ERP44: variants seen among roughly 807,000 people sequenced by gnomAD.
ERP44 encodes the protein endoplasmic reticulum protein 44.
In ERP44, 25 loss-of-function variants were observed where a neutral mutation model predicts 53.4. The ratio of observed to expected loss-of-function variants is 0.47; its 90% confidence interval spans 0.34 to 0.65. The LOEUF is 0.65. Among genes scored for constraint, ERP44 ranks in the 30% least tolerant of loss-of-function variants. The pLI, the probability that ERP44 is intolerant of heterozygous loss-of-function variation, is 0.01. For missense variants in ERP44, 338 were observed against 493.2 expected, an observed-to-expected ratio of 0.69 and a Z score of 2.98; for synonymous variants, 145 against 161.2, an observed-to-expected ratio of 0.90 and a Z score of 0.76.
chr9:100,007,196 A>T (rs995996877), intron 9 of ERP44, among the ~76,000 whole-genome samples: 1 of 152,230 alleles, frequency 6.6e-6, no homozygotes, highest in Non-Finnish European at 1.5e-5. Flanking sequence ...CAACTACTCA[A>T]CTTTCTTTCA....
chr9:99,985,658 T>TA (rs1830188992), intron 10 of ERP44, among the ~76,000 whole-genome samples: 2 of 152,178 alleles, frequency 1.3e-5, no homozygotes, highest in African/African-American at 4.8e-5. Flanking sequence ...CACTAGACAG[T>TA]GAAACCAATT....
chr9:100,018,347 T>C lies in ERP44; in HGVS notation c.588-34A>G. On this transcript the variant is annotated intron_variant, in intron 6 of 11. Coordinates refer to ENST00000262455, the MANE Select transcript of ERP44 (RefSeq NM_015051.3). ...AGGGAGAAATAGTAATAAACCTGAA[T>C]GACAGAATTTTGCAATGTAGGAATT... The C allele has an allele frequency of 5.2e-6, 7 of 1,351,756 alleles. No homozygotes were observed. The East Asian group carries it at 1.6e-4, about 31-fold the overall frequency. The allele number at this position is 1,351,756 out of a possible 1,614,324, so 83.7% of individuals were successfully genotyped here. A position where few individuals can be genotyped will look rare whatever the true frequency, so the allele number is the denominator to read the frequency against.
rs1430305699 is a variant in ERP44 at position 100,094,882 on chromosome 9, G to A, written c.57+3902C>T. On this transcript the variant is annotated intron_variant, in intron 1 of 11. Coordinates refer to ENST00000262455, the MANE Select transcript of ERP44 (RefSeq NM_015051.3). ...AGCTATTCAGGAGGCTGAGGTGAAA[G>A]GATTGCTTCAGCCTCAGAGGTTGAG... is the stretch of plus-strand genomic sequence containing the variant. Among the ~76,000 whole-genome samples the A allele has an allele frequency of 2.6e-5, 4 of 151,532 alleles. No homozygotes were observed. In the South Asian group the frequency reaches 6.3e-4, roughly 24 times the overall value.
intron 10 of ERP44, chr9:99,998,308 G>T: frequency 2.2e-6 from 1 of 464,802 alleles, no homozygotes; most frequent in Non-Finnish European, 4.0e-6. Context: ...GACTCATTCT[G>T]CCTCTTCCCT....
intron 1 of ERP44, among the ~76,000 whole-genome samples, chr9:100,062,479 TAAG>T (rs762096647): frequency 1.3e-5 from 2 of 152,024 alleles, no homozygotes; most frequent in African/African-American, 4.8e-5. Flanking sequence ...AAGAAAAACT[TAAG>T]AAGGCAGAAA....
chr9:100,007,793 T>C lies in ERP44; in HGVS notation c.763-104A>G, dbSNP rs933245643. The C allele has an allele frequency of 1.4e-5, 10 of 712,816 alleles. No homozygotes were observed. In the African/African-American group the frequency reaches 1.4e-4, roughly 10 times the overall value. 44.2% of individuals were successfully genotyped at this position (712,816 alleles called of 1,614,324 possible). Reference sequence around the variant, plus strand: ...GAACCCAACCCATGTAATGCAATAGTTGCAATATCCCGGGGGAAAAAAAAG... The same window carrying C: ...GAACCCAACCCATGTAATGCAATAGCTGCAATATCCCGGGGGAAAAAAAAG... On this transcript the variant is annotated intron_variant, in intron 8 of 11. Coordinates refer to ENST00000262455, the MANE Select transcript of ERP44 (RefSeq NM_015051.3).
rs767097914 is a variant in ERP44, at chr9:100,006,455, C to T, written c.1016+51G>A. On this transcript the variant is annotated intron_variant, in intron 10 of 11. Coordinates refer to ENST00000262455, the MANE Select transcript of ERP44 (RefSeq NM_015051.3). ...AATATTCAAACAACTATTTTCAGTT[C>T]ATTTTTGAAAAACATATCAGTAATT... 2.1e-5 allele frequency: 29 copies of T among 1,357,210 alleles called. No homozygotes were observed. In the East Asian group the frequency reaches 6.4e-4, roughly 30 times the overall value. 84.1% of individuals were successfully genotyped at this position (1,357,210 alleles called of 1,614,324 possible). A position where few individuals can be genotyped will look rare whatever the true frequency, so the allele number is the denominator to read the frequency against.
At chr9:100,062,117 C>G (rs910804104) in intron 1 of ERP44, among the ~76,000 whole-genome samples, 1 of 152,196 alleles carries the variant, frequency 6.6e-6, no homozygotes, top group African/African-American at 2.4e-5. Context: ...TCTAAACTAA[C>G]AGTTTCCCCA....
chr9:99,983,601 A>G (rs911350496), intron 11 of ERP44, among the ~76,000 whole-genome samples: 2 of 150,616 alleles, frequency 1.3e-5, no homozygotes, highest in African/African-American at 2.4e-5. Flanking sequence ...TCTATCCTCT[A>G]TTTCCAAATT....
At chr9:99,984,221 A>G (rs1265785122) in intron 11 of ERP44, among the ~76,000 whole-genome samples, 1 of 152,162 alleles carries the variant, frequency 6.6e-6, no homozygotes, top group African/African-American at 2.4e-5. Flanking sequence ...TTTATAGGCA[A>G]AATAATGGAT....
intron 4 of ERP44, among the ~76,000 whole-genome samples, chr9:100,041,034 T>G (rs1245707229): frequency 6.6e-6 from 1 of 152,148 alleles, no homozygotes; most frequent in East Asian, 1.9e-4. Flanking sequence ...TCTATGTTTA[T>G]GGATTGGAAG....
intron 9 of ERP44, 60 bp from the exon 10 acceptor site, chr9:100,006,707 G>T: frequency 8.2e-7 from 1 of 1,223,990 alleles, no homozygotes; most frequent in East Asian, 2.4e-5. Context: ...ATTTTTGTAA[G>T]ATTGCAAGCT....
intron 1 of ERP44, among the ~76,000 whole-genome samples, chr9:100,068,703 C>G (rs1462816976): frequency 2.0e-5 from 3 of 148,328 alleles, no homozygotes; most frequent in Non-Finnish European, 4.5e-5. Flanking sequence ...CCGCCCCGTC[C>G]GGGAGGTGAG....
At chr9:100,016,285 G>T (rs1225339829) in intron 8 of ERP44, 37 bp downstream of exon 8, 17 of 1,566,456 alleles carry the variant, frequency 1.1e-5, no homozygotes, top group Non-Finnish European at 1.3e-5. Flanking sequence ...TCAGACATTT[G>T]AATTTAAAGT....
chr9:100,032,771 T>C (rs1036461208), intron 4 of ERP44, among the ~76,000 whole-genome samples: 7 of 152,210 alleles, frequency 4.6e-5, no homozygotes, highest in Non-Finnish European at 1.0e-4. Context: ...AAGGTGGTTT[T>C]ATAATCAACT....
chr9:100,071,690 C>A (rs1826307235), intron 1 of ERP44, among the ~76,000 whole-genome samples: 1 of 152,156 alleles, frequency 6.6e-6, no homozygotes, highest in South Asian at 2.1e-4. Context: ...GAGGCTGAGG[C>A]AGGGGGATCA....
intron 1 of ERP44, among the ~76,000 whole-genome samples, chr9:100,092,012 G>C (rs1437742805): frequency 2.0e-5 from 3 of 152,058 alleles, no homozygotes; most frequent in Non-Finnish European, 4.4e-5. Flanking sequence ...TTTCTTGAAG[G>C]CATGATATGC....
Position 99,980,095 on chromosome 9 carries a change from C to T in ERP44, c.*2517G>A. The T allele has an allele frequency of 2.5e-6, 1 of 398,468 alleles. No individual in the cohort carries two copies. Among genetic ancestry groups the T allele is most frequent in the Non-Finnish European group, 4.4e-6 (1 of 225,980 alleles). The allele number at this position is 398,468 out of a possible 1,614,324, so 24.7% of individuals were successfully genotyped here. ...GCCAGATCCCTACCTCCTGAGAACA[C>T]CTATTCATCTTTTTAAAGCTCAAAA... On this transcript the variant is annotated 3_prime_UTR_variant, in exon 12 of 12. Coordinates refer to ENST00000262455, the MANE Select transcript of ERP44 (RefSeq NM_015051.3).
intron 3 of ERP44, among the ~76,000 whole-genome samples, chr9:100,055,156 T>C (rs1277010881): frequency 2.0e-5 from 3 of 152,146 alleles, no homozygotes; most frequent in African/African-American, 7.2e-5. Flanking sequence ...AGAGTAGTTC[T>C]GAGCATTAAA....
Sources: allele counts gnomAD v4.1 joint callset (sites outside exome capture counted in the v4.1 genomes callset), GRCh38; gene constraint gnomAD v4.1.1; transcripts MANE v1.5; gene names NCBI Gene and HGNC (gene_info 2026-07-23, HGNC 2026-07-21).